CSMD2: variants seen among roughly 807,000 people sequenced by gnomAD.
CSMD2 encodes the protein CUB and sushi domain-containing protein 2.
CSMD2 carries 130 observed loss-of-function variants against 398.5 expected under a neutral mutation model. The observed-to-expected ratio is 0.33, with a 90% CI of 0.28 to 0.38. The LOEUF is 0.38. Ranked by LOEUF, CSMD2 falls within the 10% of genes least tolerant of loss-of-function variation. The pLI, the probability that CSMD2 is intolerant of heterozygous loss-of-function variation, is 1.00. For synonymous variants in CSMD2, 1,828 were observed against 1,908.5 expected (o/e 0.96, Z 1.10); for missense variants, 3,829 against 4,764.9 (o/e 0.80, Z 5.78).
intron 27 of CSMD2, among the ~76,000 whole-genome samples, chr1:33,657,507 A>G (rs1213615095): frequency 6.6e-6 from 1 of 152,188 alleles, no homozygotes. Context: ...CAGGTAACCA[A>G]TAATTTCCTT....
chr1:33,972,186 A>G (rs1645796487), intron 3 of CSMD2, among the ~76,000 whole-genome samples: 1 of 152,166 alleles, frequency 6.6e-6, no homozygotes, highest in African/African-American at 2.4e-5. Flanking sequence ...GAGAACAGAG[A>G]AAAGAAAAAG....
At chr1:33,528,601 G>A (rs7511823) in intron 64 of CSMD2, among the ~76,000 whole-genome samples, 93,508 of 152,070 alleles carry the variant, frequency 0.61, 29,031 homozygotes, top group East Asian at 0.72. Flanking sequence ...TGTGCGAGGT[G>A]CTGTGATAGG....
chr1:33,728,764 T>A (rs138386265), intron 15 of CSMD2, among the ~76,000 whole-genome samples: 16 of 152,368 alleles, frequency 1.1e-4, no homozygotes, highest in Non-Finnish European at 2.1e-4. Context: ...ATGGCAACAC[T>A]AAATGGCACG....
intron 2 of CSMD2, among the ~76,000 whole-genome samples, chr1:34,049,612 G>A (rs986973113): frequency 2.0e-5 from 3 of 152,152 alleles, no homozygotes; most frequent in Non-Finnish European, 2.9e-5. Flanking sequence ...CAATCCAAGT[G>A]TATAGAGTGA....
chr1:33,711,589 G>A (rs555258759), intron 21 of CSMD2, among the ~76,000 whole-genome samples: 1 of 152,320 alleles, frequency 6.6e-6, no homozygotes, highest in East Asian at 1.9e-4. Context: ...TTCTGGGACT[G>A]GCAGAAAGCC....
At chr1:34,114,036 G>A (rs992526910) in intron 1 of CSMD2, among the ~76,000 whole-genome samples, 1 of 152,132 alleles carries the variant, frequency 6.6e-6, no homozygotes, top group African/African-American at 2.4e-5. Flanking sequence ...TTCAATGCCT[G>A]GGGGCCATGG....
At chr1:33,756,256 C>A (rs1648999471) in intron 13 of CSMD2, among the ~76,000 whole-genome samples, 1 of 152,170 alleles carries the variant, frequency 6.6e-6, no homozygotes, top group Non-Finnish European at 1.5e-5. Context: ...TTCTGAACGC[C>A]AGACCTGTGT....
rs1655462156 is a variant in CSMD2 at position 33,533,542 on chromosome 1, C to A, written c.9991+254G>T. On this transcript the variant is annotated intron_variant, in intron 63 of 70. Coordinates refer to ENST00000373381, the MANE Select transcript of CSMD2 (RefSeq NM_001281956.2). This position sits in a 1 kb window ranked among gnomAD's most constrained non-coding sequence, Gnocchi z 4.2. ...ATCTCCATCCTGAGGCCTGGCCTTG[C>A]AGTTGTTAGTTTTTGCTGCTGCCAC... 6.6e-6 allele frequency among the ~76,000 whole-genome samples: 1 copy of A among 151,544 alleles called. No individual in the cohort carries two copies. The highest frequency in any genetic ancestry group is 1.5e-5 in the Non-Finnish European group (1 of 67,932).
At chr1:33,966,558 T>C (rs1456059756) in intron 3 of CSMD2, among the ~76,000 whole-genome samples, 1 of 152,052 alleles carries the variant, frequency 6.6e-6, no homozygotes, top group African/African-American at 2.4e-5. Flanking sequence ...TTGTGAAAAA[T>C]CATTTCCCAA....
At chr1:34,034,756 T>C (rs1395710799) in intron 2 of CSMD2, among the ~76,000 whole-genome samples, 2 of 152,108 alleles carry the variant, frequency 1.3e-5, no homozygotes, top group African/African-American at 4.8e-5. Context: ...TAAAGGAAAA[T>C]ATTGATTAAT....
intron 1 of CSMD2, among the ~76,000 whole-genome samples, chr1:34,149,256 T>A (rs1275145137): frequency 6.6e-6 from 1 of 152,132 alleles, no homozygotes; most frequent in Non-Finnish European, 1.5e-5. Flanking sequence ...CCTTCTACCC[T>A]GCCTGCTCCC....
In CSMD2 at chr1:33,636,510, C is replaced by A; in HGVS notation, c.4819G>T (p.Gly1607Cys). Reference sequence around the variant, plus strand: ...TTCAGGTCGGACCCCACCCGTGTGCCGTTCTTGATGGAACCAGGATCAAAA... The same window carrying A: ...TTCAGGTCGGACCCCACCCGTGTGCAGTTCTTGATGGAACCAGGATCAAAA... ...SCFDPGSIKNGTRVGSDLKLG... is the reference protein window; with the variant it reads ...SCFDPGSIKNCTRVGSDLKLG... The change falls in exon 30 of 71, where the codon GGC becomes TGC. Residue 1607 changes from glycine to cysteine, a missense_variant. Physicochemically the swap from Gly to Cys is radical, Grantham distance 159. Around this residue, in one of 5 missense-constraint regions of CSMD2, gnomAD observed 2,001 missense variants for 2,567.1 expected, o/e 0.78. Coordinates refer to ENST00000373381, the MANE Select transcript of CSMD2 (RefSeq NM_001281956.2). The surrounding 1 kb of genome is among the most constrained non-coding windows in gnomAD (Gnocchi z 4.8). The A allele has an allele frequency of 6.2e-7, 1 of 1,614,146 alleles. No homozygotes were observed. Among genetic ancestry groups the A allele is most frequent in the Non-Finnish European group, 8.5e-7 (1 of 1,180,020 alleles).
intron 44 of CSMD2, chr1:33,599,450 C>T (rs1640064288): frequency 6.6e-6 from 1 of 152,168 alleles, no homozygotes; most frequent in Non-Finnish European, 1.5e-5. Flanking sequence ...TAAGGATTTC[C>T]AAGCATTGTT....
chr1:34,110,139 A>G (rs1660926116), intron 1 of CSMD2, among the ~76,000 whole-genome samples: 2 of 152,056 alleles, frequency 1.3e-5, no homozygotes, highest in Admixed American at 1.3e-4. Flanking sequence ...CAAAATCACA[A>G]TGAGATACCA....
chr1:33,898,878 T>G (rs1558072227), intron 5 of CSMD2, among the ~76,000 whole-genome samples: 1 of 152,168 alleles, frequency 6.6e-6, no homozygotes, highest in East Asian at 1.9e-4. Flanking sequence ...GTGAAAAATG[T>G]CACTTGATGG....
In CSMD2 at chr1:33,559,930, T is replaced by C. The variant is rs1570734215; in HGVS notation, c.8381-457A>G. On this transcript the variant is annotated intron_variant, in intron 53 of 70. Transcript: ENST00000373381. The surrounding 1 kb of genome is among the most constrained non-coding windows in gnomAD (Gnocchi z 4.0). ...CTGGTGCAGAGTTCAGTCACTCTGC[T>C]AGATCAATAGCCCAGGTAAACTGGG... is the stretch of plus-strand genomic sequence containing the variant. Among the ~76,000 whole-genome samples, 1 of 152,178 alleles carries C rather than the reference T, an allele frequency of 6.6e-6. No homozygotes were observed. Among genetic ancestry groups the C allele is most frequent in the East Asian group, 1.9e-4 (1 of 5,200 alleles).
At chr1:34,056,248 G>A (rs1342929390) in intron 2 of CSMD2, among the ~76,000 whole-genome samples, 1 of 152,060 alleles carries the variant, frequency 6.6e-6, no homozygotes, top group African/African-American at 2.4e-5. Context: ...CCTGATTCCT[G>A]GTGCTCTGCC....
At chr1:33,840,459 C>T (rs1028494244) in intron 6 of CSMD2, among the ~76,000 whole-genome samples, 1 of 152,120 alleles carries the variant, frequency 6.6e-6, no homozygotes, top group African/African-American at 2.4e-5. Context: ...TCCTTCAGAC[C>T]TCTGTTGAAA....
chr1:33,692,920 T>C lies in CSMD2; in HGVS notation c.4052+10A>G. The C allele has an allele frequency of 6.2e-7, 1 of 1,608,954 alleles. No homozygotes were observed. Among genetic ancestry groups the C allele is most frequent in the Non-Finnish European group, 8.5e-7 (1 of 1,177,814 alleles). On this transcript the variant is annotated intron_variant, in intron 25 of 70. Coordinates refer to ENST00000373381, the MANE Select transcript of CSMD2 (RefSeq NM_001281956.2). ...CTGGCGATAGTTACTTTGTCAGCCCTGACACTTACCCAATGGTGCAGCCGG... is the reference window on the plus strand; with the variant it reads ...CTGGCGATAGTTACTTTGTCAGCCCCGACACTTACCCAATGGTGCAGCCGG...
Sources: gnomAD v4.1 joint callset for allele counts (sites outside exome capture counted in the v4.1 genomes callset) on GRCh38, gnomAD v4.1.1 for gene constraint, gnomAD v4.1.1 regional missense constraint, Gnocchi (gnomAD v3.1) non-coding constraint, MANE v1.5 for transcripts, NCBI Gene and HGNC (gene_info 2026-07-23, HGNC 2026-07-21) for gene names.